The following CDKN2B-AS1 variants were observed in gnomAD, a reference collection of about 807,000 sequenced individuals.
CDKN2B-AS1 encodes the protein CDKN2B antisense RNA 1 (non-protein coding).
In CDKN2B-AS1 at chr9:22,009,279, C is replaced by T. The variant is rs989710732; in HGVS notation, n.29+14118C>T. ...GGGTGCGGACGCGTCGCGGAGTCCT[C>T]ACTGCCCCGCCTCGCTCTGGCAGAG... is the stretch of plus-strand genomic sequence containing the variant. On this transcript the variant is annotated intron_variant and non_coding_transcript_variant, in intron 1 of 4. Transcript: ENST00000650946. The T allele has an allele frequency of 1.2e-5, 6 of 497,212 alleles. No homozygotes were observed. In the South Asian group the frequency reaches 1.3e-4, roughly 11 times the overall value. 30.8% of individuals were successfully genotyped at this position (497,212 alleles called of 1,614,324 possible). A position where few individuals can be genotyped will look rare whatever the true frequency, so the allele number is the denominator to read the frequency against.
At chr9:22,109,832 G>C (rs933474876) in intron 4 of CDKN2B-AS1, among the ~76,000 whole-genome samples, 1 of 152,148 alleles carries the variant, frequency 6.6e-6, no homozygotes, top group African/African-American at 2.4e-5. Flanking sequence ...TTTGAAGGGA[G>C]CTGGTGCAAG....
intron 4 of CDKN2B-AS1, among the ~76,000 whole-genome samples, chr9:22,087,136 T>G (rs1180165290): frequency 6.6e-6 from 1 of 152,216 alleles, no homozygotes. Flanking sequence ...TGGAAATGTT[T>G]GATTTAGATA....
intron 4 of CDKN2B-AS1, among the ~76,000 whole-genome samples, chr9:22,087,232 C>T (rs972531445): frequency 1.4e-4 from 21 of 152,144 alleles, no homozygotes; most frequent in African/African-American, 4.3e-4. Context: ...TTGAAGGGGA[C>T]CAAAAAGTTG....
In CDKN2B-AS1 at chr9:22,053,560, G is replaced by T. The variant is rs556451520; in HGVS notation, n.303-2692G>T. On this transcript the variant is annotated intron_variant and non_coding_transcript_variant, in intron 3 of 4. Coordinates refer to ENST00000650946, the Ensembl canonical transcript of CDKN2B-AS1. The stretch of plus-strand genomic sequence containing the variant: ...TGACTATGTGTACCACTGATAACTT[G>T]TTTTTCTCTCTCTTCCCTTTTCCTC... 1.3e-4 allele frequency among the ~76,000 whole-genome samples: 20 copies of T among 152,288 alleles called. No homozygotes were observed. The South Asian group carries it at 4.1e-3, about 32-fold the overall frequency.
intron 4 of CDKN2B-AS1, among the ~76,000 whole-genome samples, chr9:22,088,229 C>T (rs186682097): frequency 2.6e-5 from 4 of 152,136 alleles, no homozygotes; most frequent in Non-Finnish European, 1.5e-5. Flanking sequence ...AATCAGCCTT[C>T]GATTGCTGGG....
At chr9:22,094,019 A>G (rs950989365) in intron 4 of CDKN2B-AS1, among the ~76,000 whole-genome samples, 8 of 144,420 alleles carry the variant, frequency 5.5e-5, no homozygotes, top group Non-Finnish European at 1.2e-4. Flanking sequence ...CCTGGTGGTG[A>G]CAAAATCTCT....
At chr9:22,030,500 G>GA (rs1822423894) in intron 1 of CDKN2B-AS1, 1 of 152,016 alleles carries the variant, frequency 6.6e-6, no homozygotes, top group South Asian at 2.1e-4. Flanking sequence ...ATATGCCAGA[G>GA]AAAAAATGTT....
chr9:22,079,791 C>T (rs2131327927), intron 4 of CDKN2B-AS1, among the ~76,000 whole-genome samples: 1 of 152,328 alleles, frequency 6.6e-6, no homozygotes, highest in East Asian at 1.9e-4. Context: ...CCCTTCTCCA[C>T]CGGCATAGCT....
At chr9:22,043,711 T>C (rs1446474283) in intron 1 of CDKN2B-AS1, among the ~76,000 whole-genome samples, 2 of 152,044 alleles carry the variant, frequency 1.3e-5, no homozygotes, top group Non-Finnish European at 2.9e-5. Flanking sequence ...TCTGAAAATA[T>C]ACTATGATTT....
At chr9:22,009,518 T>C (rs1821393203) in intron 1 of CDKN2B-AS1, among the ~76,000 whole-genome samples, 1 of 152,232 alleles carries the variant, frequency 6.6e-6, no homozygotes, top group Non-Finnish European at 1.5e-5. Flanking sequence ...GCTGCACTGC[T>C]CGCTGGATGT....
At chr9:22,038,194 T>C (rs1349486764) in intron 1 of CDKN2B-AS1, among the ~76,000 whole-genome samples, 1 of 152,004 alleles carries the variant, frequency 6.6e-6, no homozygotes, top group Admixed American at 6.6e-5. Context: ...CATAAAATTA[T>C]GGATTTTTTT....
At chr9:22,102,577 G>A (rs911568529) in intron 4 of CDKN2B-AS1, among the ~76,000 whole-genome samples, 1 of 151,962 alleles carries the variant, frequency 6.6e-6, no homozygotes, top group South Asian at 2.1e-4. Flanking sequence ...TGTGGCTTGT[G>A]GCTGTATCAC....
intron 4 of CDKN2B-AS1, chr9:22,062,016 C>T (rs1563955804): frequency 6.6e-6 from 1 of 152,148 alleles, no homozygotes; most frequent in Admixed American, 6.5e-5. Flanking sequence ...AGAAGATAAT[C>T]TTTTCACAAG....
intron 4 of CDKN2B-AS1, among the ~76,000 whole-genome samples, chr9:22,084,301 A>G (rs1407894583): frequency 6.6e-6 from 1 of 152,214 alleles, no homozygotes; most frequent in African/African-American, 2.4e-5. Context: ...GACAACTTCT[A>G]TATTACCTTC....
intron 1 of CDKN2B-AS1, among the ~76,000 whole-genome samples, chr9:22,021,441 G>GT (rs1212738275): frequency 6.6e-6 from 1 of 152,072 alleles, no homozygotes; most frequent in Non-Finnish European, 1.5e-5. Context: ...TTTTAAAATA[G>GT]TTTTTTCTAG....
At chr9:22,004,580 T>A (rs1023136562) in intron 1 of CDKN2B-AS1, 15 of 232,460 alleles carry the variant, frequency 6.5e-5, no homozygotes, top group African/African-American at 3.3e-4. Context: ...TCTCTGTTAA[T>A]TCTTTATTAA....
chr9:22,058,302 G>A (rs545721734), intron 4 of CDKN2B-AS1: 9 of 152,266 alleles, frequency 5.9e-5, no homozygotes, highest in African/African-American at 1.4e-4. Flanking sequence ...TCATTTTGGC[G>A]GGTACTGACA....
chr9:22,121,516 AT>A (rs759223238), intron 4 of CDKN2B-AS1, among the ~76,000 whole-genome samples: 1 of 151,982 alleles, frequency 6.6e-6, no homozygotes, highest in Non-Finnish European at 1.5e-5. Context: ...TGTAGCTATA[AT>A]TTTGTATCCT....
intron 1 of CDKN2B-AS1, among the ~76,000 whole-genome samples, chr9:22,026,199 G>T (rs370510058): frequency 1.3e-5 from 2 of 152,172 alleles, no homozygotes; most frequent in Non-Finnish European, 2.9e-5. Flanking sequence ...GGCTGGAATG[G>T]GTAAGTTGCC....
Sources: allele counts gnomAD v4.1 joint callset (sites outside exome capture counted in the v4.1 genomes callset), GRCh38; gene constraint gnomAD v4.1.1; transcripts MANE v1.5; gene names NCBI Gene and HGNC (gene_info 2026-07-23, HGNC 2026-07-21).